The following PRMT3 variants were observed in gnomAD, a reference collection of about 807,000 sequenced individuals.
The protein encoded by PRMT3 is protein arginine N-methyltransferase 3.
PRMT3 carries 62 observed loss-of-function variants against 71.9 expected under a neutral mutation model. That is an observed-to-expected ratio of 0.86 (90% CI 0.70 to 1.07). The LOEUF (loss-of-function observed/expected upper bound fraction) is 1.07. Among genes scored for constraint, PRMT3 ranks in the 50% least tolerant of loss-of-function variants. The pLI, the probability that PRMT3 is intolerant of heterozygous loss-of-function variation, is 0.00. For synonymous variants in PRMT3, 213 were observed against 220.4 expected (o/e 0.97, Z 0.30); for missense variants, 663 against 643.0 (o/e 1.03, Z -0.34).
intron 7 of PRMT3, 86 bp downstream of exon 7, chr11:20,397,807 G>T (rs1358686172): frequency 2.8e-6 from 4 of 1,404,872 alleles, no homozygotes; most frequent in Non-Finnish European, 3.8e-6. Context: ...CACTATAGGA[G>T]ACCTCTTTTT....
rs774602023 is a variant in PRMT3 at position 20,508,547 on chromosome 11, A to C, written c.*134A>C. On this transcript the variant is annotated 3_prime_UTR_variant, in exon 16 of 16. Coordinates refer to ENST00000331079, the MANE Select transcript of PRMT3 (RefSeq NM_005788.4). ...CTAATGAGCCTCCTCAATAAGAGAG[A>C]AGTTCTCATTGTGGGAATCTGACAT... is the stretch of plus-strand genomic sequence containing the variant. 3.5e-5 allele frequency: 25 copies of C among 721,620 alleles called. No homozygotes were observed. The highest frequency in any genetic ancestry group is 4.8e-5 in the Non-Finnish European group (19 of 393,144). 44.7% of individuals were successfully genotyped at this position (721,620 alleles called of 1,614,324 possible). A position where few individuals can be genotyped will look rare whatever the true frequency, so the allele number is the denominator to read the frequency against.
intron 10 of PRMT3, among the ~76,000 whole-genome samples, chr11:20,437,428 T>C (rs1849784312): frequency 6.6e-6 from 1 of 152,134 alleles, no homozygotes; most frequent in South Asian, 2.1e-4. Context: ...AGGGAAAGAT[T>C]AGTGTTCCAG....
At position 20,395,972 on chromosome 11, in the gene PRMT3, C is replaced by T. The variant is rs768214001; in HGVS notation, c.560+10C>T. The T allele has an allele frequency of 6.2e-6, 10 of 1,610,978 alleles. No individual in the cohort carries two copies. Among genetic ancestry groups the T allele is most frequent in the Non-Finnish European group, 8.5e-6 (10 of 1,178,934 alleles). ...ATCTGCAAAAAATGAAGTAATTTAT[C>T]AATCTTGCAAAATTAATTGTTTTAG... is the stretch of plus-strand genomic sequence containing the variant. On this transcript the variant is annotated intron_variant, in intron 6 of 15. Coordinates refer to ENST00000331079, the MANE Select transcript of PRMT3 (RefSeq NM_005788.4).
chr11:20,392,875 A>G (rs766157293), intron 4 of PRMT3, 22 bp from the exon 5 acceptor site: 14 of 1,427,020 alleles, frequency 9.8e-6, no homozygotes, highest in South Asian at 2.4e-5. Flanking sequence ...TGAAAAAAAC[A>G]TGAGATTAAT....
At chr11:20,433,298 A>G (rs558011384) in intron 10 of PRMT3, among the ~76,000 whole-genome samples, 1 of 152,192 alleles carries the variant, frequency 6.6e-6, no homozygotes, top group African/African-American at 2.4e-5. Flanking sequence ...AAGTGAGAAC[A>G]TGTGGTATTT....
intron 10 of PRMT3, among the ~76,000 whole-genome samples, chr11:20,447,762 T>C (rs1403835517): frequency 6.6e-6 from 1 of 152,114 alleles, no homozygotes; most frequent in Non-Finnish European, 1.5e-5. Context: ...ACTGTTCTGC[T>C]TCTGTCAGTT....
chr11:20,477,836 C>T (rs1850833080), intron 13 of PRMT3, among the ~76,000 whole-genome samples: 1 of 140,178 alleles, frequency 7.1e-6, no homozygotes, highest in Admixed American at 7.2e-5. Context: ...TGCAGCACAA[C>T]CACCAGCTTC....
At chr11:20,439,604 G>A (rs1849840507) in intron 10 of PRMT3, among the ~76,000 whole-genome samples, 1 of 152,192 alleles carries the variant, frequency 6.6e-6, no homozygotes, top group African/African-American at 2.4e-5. Context: ...TTCAGACATT[G>A]TAGTATTGGG....
intron 9 of PRMT3, among the ~76,000 whole-genome samples, chr11:20,409,089 A>G (rs1590042093): frequency 6.6e-6 from 1 of 152,092 alleles, no homozygotes; most frequent in Non-Finnish European, 1.5e-5. Flanking sequence ...AGAGCAAGAC[A>G]CTTTCTCCAA....
At chr11:20,489,398 C>CCT (rs1220593469) in intron 13 of PRMT3, among the ~76,000 whole-genome samples, 2 of 152,158 alleles carry the variant, frequency 1.3e-5, no homozygotes. Context: ...AGCCTTCAGA[C>CCT]CTCTCTGATC....
intron 11 of PRMT3, among the ~76,000 whole-genome samples, chr11:20,455,956 A>G (rs1850259174): frequency 2.0e-5 from 3 of 152,156 alleles, no homozygotes; most frequent in Non-Finnish European, 4.4e-5. Flanking sequence ...CTAAAAGGAA[A>G]CATAGGTTTA....
intron 13 of PRMT3, among the ~76,000 whole-genome samples, chr11:20,471,226 C>A (rs1323203654): frequency 1.3e-5 from 2 of 151,800 alleles, no homozygotes; most frequent in East Asian, 3.9e-4. Context: ...TTAATTAGAC[C>A]CCACTTGTCA....
intron 11 of PRMT3, among the ~76,000 whole-genome samples, chr11:20,452,573 T>C (rs1198887066): frequency 6.6e-6 from 1 of 152,204 alleles, no homozygotes; most frequent in Non-Finnish European, 1.5e-5. Context: ...CATATTTCAT[T>C]CTAAGTTGGA....
intron 10 of PRMT3, among the ~76,000 whole-genome samples, chr11:20,442,114 A>G (rs1347557085): frequency 1.3e-5 from 2 of 152,082 alleles, no homozygotes; most frequent in Non-Finnish European, 2.9e-5. Flanking sequence ...TTAAATACCA[A>G]CTTTACTACT....
chr11:20,388,270 G>A, intron 2 of PRMT3, 116 bp downstream of exon 2: 1 of 1,441,782 alleles, frequency 6.9e-7, no homozygotes, highest in Non-Finnish European at 9.5e-7. Flanking sequence ...TTTGAATTCT[G>A]GAACCACTGG....
chr11:20,404,120 G>A (rs377249760), intron 8 of PRMT3, among the ~76,000 whole-genome samples: 4 of 145,452 alleles, frequency 2.8e-5, no homozygotes, highest in East Asian at 4.1e-4. Flanking sequence ...ACAAATAAAT[G>A]ATTTCATTTA....
chr11:20,422,488 A>C (rs553024607), intron 9 of PRMT3, among the ~76,000 whole-genome samples: 1 of 152,290 alleles, frequency 6.6e-6, no homozygotes, highest in Non-Finnish European at 1.5e-5. Flanking sequence ...CCTCTCTAAA[A>C]AGACTGACAT....
intron 10 of PRMT3, among the ~76,000 whole-genome samples, chr11:20,446,355 CT>C (rs11352580): frequency 0.99 from 147,438 of 148,246 alleles, 73,318 homozygotes; most frequent in Middle Eastern, 1. Flanking sequence ...GTTGCATACT[CT>C]TTTTTTTTTT....
intron 10 of PRMT3, among the ~76,000 whole-genome samples, chr11:20,427,606 TC>T (rs1849574637): frequency 6.6e-6 from 1 of 151,980 alleles, no homozygotes; most frequent in East Asian, 1.9e-4. Context: ...GCACCTGTAA[TC>T]CCAGCCACTT....
Sources: gnomAD v4.1 joint callset for allele counts (sites outside exome capture counted in the v4.1 genomes callset) on GRCh38, gnomAD v4.1.1 for gene constraint, MANE v1.5 for transcripts, NCBI Gene and HGNC (gene_info 2026-07-23, HGNC 2026-07-21) for gene names.